IL1RAP: variants seen among roughly 807,000 people sequenced by gnomAD.
The protein encoded by IL1RAP is interleukin-1 receptor accessory protein.
A neutral mutation model predicts 60.7 loss-of-function variants in IL1RAP; 35 were observed. That is an observed-to-expected ratio of 0.58 (90% CI 0.44 to 0.76). The LOEUF (loss-of-function observed/expected upper bound fraction) is 0.76. Ranked by LOEUF, IL1RAP falls within the 30% of genes least tolerant of loss-of-function variation. The pLI is 0.00. For missense variants in IL1RAP, 572 were observed against 693.9 expected, an observed-to-expected ratio of 0.82 and a Z score of 1.97; for synonymous variants, 268 against 250.9, an observed-to-expected ratio of 1.07 and a Z score of -0.64.
At chr3:190,633,283 A>C (rs1007240562) in intron 9 of IL1RAP, among the ~76,000 whole-genome samples, 1 of 152,090 alleles carries the variant, frequency 6.6e-6, no homozygotes, top group Non-Finnish European at 1.5e-5. Flanking sequence ...TTTAGATTTG[A>C]GTGTACAGGC....
intron 9 of IL1RAP, 151 bp from the exon 10 acceptor site, chr3:190,644,097 T>C (rs747484949): frequency 4.8e-5 from 66 of 1,385,920 alleles, no homozygotes; most frequent in Non-Finnish European, 5.9e-5. Context: ...TATTTTAAAA[T>C]AGTGCTAAAC....
intron 1 of IL1RAP, among the ~76,000 whole-genome samples, chr3:190,527,950 T>C (rs577776370): frequency 6.6e-6 from 1 of 152,082 alleles, no homozygotes; most frequent in Non-Finnish European, 1.5e-5. Context: ...GCATTTCCTT[T>C]TTCATCTTTC....
chr3:190,567,914 C>T (rs1433611845), intron 3 of IL1RAP, among the ~76,000 whole-genome samples: 7 of 152,150 alleles, frequency 4.6e-5, no homozygotes, highest in African/African-American at 1.4e-4. Context: ...GCTCAATACA[C>T]GTCTCTTTTG....
At chr3:190,605,676 C>T (rs966514541) in intron 4 of IL1RAP, among the ~76,000 whole-genome samples, 2 of 152,136 alleles carry the variant, frequency 1.3e-5, no homozygotes, top group Non-Finnish European at 2.9e-5. Flanking sequence ...TGATGCCTCT[C>T]TCCTTGGCTT....
chr3:190,553,517 TCTCCAATGGGGTTGAA>T (rs1034601329), intron 1 of IL1RAP, among the ~76,000 whole-genome samples: 1 of 152,054 alleles, frequency 6.6e-6, no homozygotes, highest in African/African-American at 2.4e-5. Flanking sequence ...ACTTAATTGC[TCTCCAATGGGGTTGAA>T]CCCCTTGGCC....
At chr3:190,573,235 A>T (rs1009662558) in intron 3 of IL1RAP, among the ~76,000 whole-genome samples, 22 of 152,184 alleles carry the variant, frequency 1.4e-4, no homozygotes, top group African/African-American at 5.3e-4. Context: ...GCCCCTCAGG[A>T]TAATGAAGGA....
At chr3:190,578,415 C>G (rs1727687583) in intron 3 of IL1RAP, among the ~76,000 whole-genome samples, 1 of 152,158 alleles carries the variant, frequency 6.6e-6, no homozygotes, top group Admixed American at 6.5e-5. Flanking sequence ...AATAACTTCT[C>G]TAGCACAGAG....
chr3:190,515,602 T>C (rs1391260309), intron 1 of IL1RAP, among the ~76,000 whole-genome samples: 1 of 152,106 alleles, frequency 6.6e-6, no homozygotes. Flanking sequence ...TGTTTCTCGG[T>C]GATATGAATT....
At chr3:190,602,760 T>G (rs1729968509) in intron 3 of IL1RAP, among the ~76,000 whole-genome samples, 1 of 152,200 alleles carries the variant, frequency 6.6e-6, no homozygotes. Flanking sequence ...CAATTATACT[T>G]GGCATGAGAA....
intron 1 of IL1RAP, among the ~76,000 whole-genome samples, chr3:190,549,317 C>A (rs1724653636): frequency 6.6e-6 from 1 of 152,092 alleles, no homozygotes; most frequent in African/African-American, 2.4e-5. Context: ...TGTCTCATTC[C>A]CCCTGAAAGA....
At chr3:190,602,518 TAAG>T (rs1386795657) in intron 3 of IL1RAP, among the ~76,000 whole-genome samples, 1 of 152,004 alleles carries the variant, frequency 6.6e-6, no homozygotes, top group African/African-American at 2.4e-5. Context: ...CTATCAAACA[TAAG>T]AATATATTCC....
At chr3:190,529,112 A>T (rs908203831) in intron 1 of IL1RAP, among the ~76,000 whole-genome samples, 15 of 152,210 alleles carry the variant, frequency 9.9e-5, no homozygotes, top group Non-Finnish European at 1.6e-4. Context: ...AAAAGGACAG[A>T]TTGGAGCCCC....
At chr3:190,658,659 C>T (rs559991920) in exon 12 of IL1RAP, 2 of 152,126 alleles carry the variant, frequency 1.3e-5, no homozygotes, top group African/African-American at 2.4e-5. Flanking sequence ...GAGTTGTGGC[C>T]CAATGAGTGT....
chr3:190,620,240 A>C, intron 5 of IL1RAP, 35 bp from the exon 6 acceptor site: 1 of 1,266,370 alleles, frequency 7.9e-7, no homozygotes. Flanking sequence ...GCATGTATCT[A>C]AAAAGTAAAC....
chr3:190,572,953 T>TC (rs1727097371), intron 3 of IL1RAP, among the ~76,000 whole-genome samples: 2 of 49,768 alleles, frequency 4.0e-5, no homozygotes, highest in South Asian at 6.0e-4. Context: ...AAGCTCCGCC[T>TC]CCCGGGTTCA....
intron 3 of IL1RAP, among the ~76,000 whole-genome samples, chr3:190,601,922 G>A (rs1729895650): frequency 6.6e-6 from 1 of 152,072 alleles, no homozygotes; most frequent in Non-Finnish European, 1.5e-5. Flanking sequence ...AAGAGAAAAA[G>A]CAAAATCTTT....
chr3:190,517,806 A>G (rs1229040448), intron 1 of IL1RAP: 2 of 152,158 alleles, frequency 1.3e-5, no homozygotes, highest in Non-Finnish European at 2.9e-5. Context: ...AAAAACAAAG[A>G]TTATCTCCAG....
chr3:190,645,355 G>A (rs1342401310), intron 10 of IL1RAP, among the ~76,000 whole-genome samples: 1 of 152,172 alleles, frequency 6.6e-6, no homozygotes, highest in African/African-American at 2.4e-5. Context: ...AGATATTAAT[G>A]AGTGATAGGC....
In IL1RAP at chr3:190,549,558, C is replaced by T. The variant is rs75232206; in HGVS notation, c.-88-6572C>T. Among the ~76,000 whole-genome samples the T allele has an allele frequency of 8.6e-3, 1,315 of 152,254 alleles. 27 individuals carry two copies. Among genetic ancestry groups the T allele is most frequent in the African/African-American group, 0.031 (1,277 of 41,540 alleles). On this transcript the variant is annotated intron_variant, in intron 1 of 11. Transcript: ENST00000447382. ...AGAGACAGACTGGGTTATTAGAAAA[C>T]ATGTATTTAAATGAAACAAGTCGGG... is the stretch of plus-strand genomic sequence containing the variant.
Sources: gnomAD v4.1 joint callset for allele counts (sites outside exome capture counted in the v4.1 genomes callset) on GRCh38, gnomAD v4.1.1 for gene constraint, MANE v1.5 for transcripts, NCBI Gene and HGNC (gene_info 2026-07-23, HGNC 2026-07-21) for gene names.